The following CALN1 variants were observed in gnomAD, a reference collection of about 807,000 sequenced individuals.
CALN1 encodes calcium-binding protein 8.
In CALN1, 17 loss-of-function variants were observed where a neutral mutation model predicts 30.6. The observed-to-expected ratio is 0.56, with a 90% CI of 0.38 to 0.83. CALN1 has a LOEUF of 0.83. CALN1 is among the 40% of genes least tolerant of loss of function. The probability of loss-of-function intolerance (pLI) is 0.00; values close to 1 mark genes in which losing one functional copy is unlikely to be tolerated. For missense variants in CALN1, 291 were observed against 354.9 expected (o/e 0.82, Z 1.45); for synonymous variants, 156 against 131.4 (o/e 1.19, Z -1.28).
intron 5 of CALN1, among the ~76,000 whole-genome samples, chr7:71,892,619 TC>T (rs1793306130): frequency 6.6e-6 from 1 of 151,822 alleles, no homozygotes; most frequent in Non-Finnish European, 1.5e-5. Context: ...AAACTCCATT[TC>T]CCCCCAAAAA....
At chr7:72,391,162 C>T (rs1365538386) in intron 2 of CALN1, among the ~76,000 whole-genome samples, 4 of 152,108 alleles carry the variant, frequency 2.6e-5, no homozygotes, top group Non-Finnish European at 4.4e-5. Context: ...ACCTCCCAAC[C>T]GCAGAGGCTG....
chr7:72,401,487 T>C (rs554030687), intron 2 of CALN1, among the ~76,000 whole-genome samples: 67 of 152,182 alleles, frequency 4.4e-4, no homozygotes, highest in Non-Finnish European at 7.2e-4. Flanking sequence ...AGTGCGTGTG[T>C]GCGCGCACAC....
At chr7:72,065,958 T>C (rs770878231) in intron 4 of CALN1, among the ~76,000 whole-genome samples, 49 of 152,286 alleles carry the variant, frequency 3.2e-4, no homozygotes, top group Non-Finnish European at 5.6e-4. Context: ...TATTTTGATA[T>C]GATGCAATAC....
At chr7:72,075,136 G>A (rs2129538315) in intron 4 of CALN1, among the ~76,000 whole-genome samples, 1 of 152,270 alleles carries the variant, frequency 6.6e-6, no homozygotes, top group African/African-American at 2.4e-5. Context: ...AGTCAGGCAG[G>A]AGGAGCTCTC....
chr7:72,490,612 A>T, the CALN1 span, among the ~76,000 whole-genome samples: 4 of 152,290 alleles, frequency 2.6e-5, no homozygotes, highest in African/African-American at 7.2e-5. Context: ...TGACTGGATC[A>T]TGGGGGGCAG....
intron 6 of CALN1, among the ~76,000 whole-genome samples, chr7:71,798,093 GAGAGAGACAGAGAGAGAC>G (rs1245210308): frequency 8.3e-5 from 8 of 96,532 alleles, no homozygotes; most frequent in African/African-American, 4.7e-4. Context: ...GAGAGACAGA[GAGAGAGACAGAGAGAGAC>G]AGAGACAGAG....
chr7:72,276,920 C>T (rs1797371538), intron 3 of CALN1, among the ~76,000 whole-genome samples: 1 of 152,228 alleles, frequency 6.6e-6, no homozygotes, highest in Non-Finnish European at 1.5e-5. Context: ...TTCACTCTCT[C>T]CACCATATGA....
At chr7:72,028,058 CAAAAAAAAAAAAA>C (rs34092922) in intron 4 of CALN1, among the ~76,000 whole-genome samples, 20 of 82,866 alleles carry the variant, frequency 2.4e-4, no homozygotes, top group African/African-American at 4.1e-4. Context: ...GACTCCGTCT[CAAAAAAAAAAAAA>C]AAAAAAAAAA....
At chr7:72,002,365 T>C (rs948684501) in intron 5 of CALN1, among the ~76,000 whole-genome samples, 4 of 152,192 alleles carry the variant, frequency 2.6e-5, no homozygotes, top group South Asian at 2.1e-4. Flanking sequence ...TATTTTATAA[T>C]AAAATGTTGA....
At chr7:72,033,510 G>A (rs994461802) in intron 4 of CALN1, among the ~76,000 whole-genome samples, 2 of 152,172 alleles carry the variant, frequency 1.3e-5, no homozygotes, top group African/African-American at 2.4e-5. Flanking sequence ...TGTTAAGGCA[G>A]GACAAAGTCA....
At chr7:72,330,838 C>T (rs1801624744) in intron 2 of CALN1, among the ~76,000 whole-genome samples, 1 of 152,158 alleles carries the variant, frequency 6.6e-6, no homozygotes, top group Non-Finnish European at 1.5e-5. Flanking sequence ...TGCCCACAGC[C>T]CTGCCAGTGG....
chr7:72,326,455 G>A (rs1801285118), intron 2 of CALN1, among the ~76,000 whole-genome samples: 2 of 152,330 alleles, frequency 1.3e-5, no homozygotes, highest in African/African-American at 4.8e-5. Flanking sequence ...TTTGCCTGCT[G>A]AGATGGAATA....
the CALN1 span, among the ~76,000 whole-genome samples, chr7:72,496,527 T>C: frequency 6.6e-6 from 1 of 152,222 alleles, no homozygotes; most frequent in Non-Finnish European, 1.5e-5. Context: ...GATTCAAGTT[T>C]AACCAGCTTT....
At chr7:72,367,617 CCT>C (rs767048897) in intron 2 of CALN1, among the ~76,000 whole-genome samples, 1 of 152,028 alleles carries the variant, frequency 6.6e-6, no homozygotes, top group Non-Finnish European at 1.5e-5. Context: ...AGAGCAAGAC[CCT>C]GTCTCTACAA....
chr7:72,335,989 T>G (rs534857031), intron 2 of CALN1, among the ~76,000 whole-genome samples: 2 of 152,286 alleles, frequency 1.3e-5, no homozygotes, highest in South Asian at 4.2e-4. Context: ...AAACCCAGAC[T>G]GTCCGGGGAA....
At chr7:71,921,424 T>C (rs1794939741) in intron 5 of CALN1, among the ~76,000 whole-genome samples, 1 of 152,212 alleles carries the variant, frequency 6.6e-6, no homozygotes, top group South Asian at 2.1e-4. Flanking sequence ...TCTAGCAGAA[T>C]TTCTTTCCAA....
At chr7:72,119,218 T>C (rs1218719420) in intron 3 of CALN1, among the ~76,000 whole-genome samples, 1 of 152,082 alleles carries the variant, frequency 6.6e-6, no homozygotes, top group Admixed American at 6.6e-5. Flanking sequence ...GAGGTTTAAT[T>C]GACTTACAGT....
intron 6 of CALN1, among the ~76,000 whole-genome samples, chr7:71,799,763 G>T (rs1000685778): frequency 6.6e-6 from 1 of 152,066 alleles, no homozygotes; most frequent in Non-Finnish European, 1.5e-5. Flanking sequence ...GGCATGAGCC[G>T]CCGCGCCCAG....
chr7:72,075,293 T>C (rs2129538324), intron 4 of CALN1, among the ~76,000 whole-genome samples: 1 of 152,272 alleles, frequency 6.6e-6, no homozygotes, highest in African/African-American at 2.4e-5. Flanking sequence ...CACAGCAACA[T>C]CTAGAATAAT....
Sources: gnomAD v4.1 joint callset for allele counts (sites outside exome capture counted in the v4.1 genomes callset) on GRCh38, gnomAD v4.1.1 for gene constraint, MANE v1.5 for transcripts, NCBI Gene and HGNC (gene_info 2026-07-23, HGNC 2026-07-21) for gene names.